The following DGKI variants were observed in gnomAD, a reference collection of about 807,000 sequenced individuals.
DGKI encodes DAG kinase iota.
A neutral mutation model predicts 147.5 loss-of-function variants in DGKI; 55 were observed. The ratio of observed to expected loss-of-function variants is 0.37; its 90% CI spans 0.30 to 0.47. The LOEUF (loss-of-function observed/expected upper bound fraction) is 0.47. DGKI is among the 20% of genes least tolerant of loss of function. The pLI is 1.00. For missense variants in DGKI, 1,007 were observed against 1,323.8 expected (o/e 0.76, Z 3.71); for synonymous variants, 469 against 477.1 (o/e 0.98, Z 0.22).
chr7:137,441,255 C>T (rs991113531), intron 28 of DGKI, among the ~76,000 whole-genome samples: 3 of 151,430 alleles, frequency 2.0e-5, no homozygotes, highest in African/African-American at 7.3e-5. Flanking sequence ...CCCGTCTCTA[C>T]TAAAAAATAC....
intron 2 of DGKI, among the ~76,000 whole-genome samples, chr7:137,686,047 C>T (rs1054965444): frequency 2.0e-5 from 3 of 152,100 alleles, no homozygotes; most frequent in African/African-American, 7.2e-5. Flanking sequence ...GCTGCACTCT[C>T]CACTGTGAAG....
chr7:137,734,964 T>C (rs1032988914), intron 1 of DGKI, among the ~76,000 whole-genome samples: 1 of 152,142 alleles, frequency 6.6e-6, no homozygotes, highest in East Asian at 1.9e-4. Flanking sequence ...TTTGCCCTTC[T>C]ATATAATTGA....
At chr7:137,447,120 C>A (rs1377986648) in intron 27 of DGKI, among the ~76,000 whole-genome samples, 1 of 152,118 alleles carries the variant, frequency 6.6e-6, no homozygotes, top group Non-Finnish European at 1.5e-5. Flanking sequence ...GTACTTTTTA[C>A]ATTTTATTTT....
intron 3 of DGKI, among the ~76,000 whole-genome samples, chr7:137,662,519 A>G (rs1822477869): frequency 8.0e-6 from 1 of 125,358 alleles, no homozygotes; most frequent in African/African-American, 3.1e-5. Context: ...CTGGGATTAC[A>G]GGCGTGAGCC....
At chr7:137,768,671 C>G (rs889423172) in intron 1 of DGKI, among the ~76,000 whole-genome samples, 7 of 152,164 alleles carry the variant, frequency 4.6e-5, no homozygotes, top group Non-Finnish European at 1.5e-5. Flanking sequence ...ATAAGGTGCC[C>G]TGAATCTTTG....
chr7:137,640,640 A>G (rs1361553665), intron 6 of DGKI, among the ~76,000 whole-genome samples: 2 of 152,156 alleles, frequency 1.3e-5, no homozygotes, highest in East Asian at 1.9e-4. Context: ...TGATAAGGGG[A>G]CATTCCTGAA....
chr7:137,738,503 CA>C (rs1367132787), intron 1 of DGKI, among the ~76,000 whole-genome samples: 1 of 151,942 alleles, frequency 6.6e-6, no homozygotes, highest in Non-Finnish European at 1.5e-5. Context: ...TATAAAATGC[CA>C]TATTAATAAA....
Position 137,846,161 on chromosome 7 carries a change from T to TCTCTCTCACACACACACACACA in DGKI, c.401+300_401+301insTGTGTGTGTGTGTGTGAGAGAG, listed in dbSNP as rs781580130. On this transcript the variant is annotated intron_variant, in intron 1 of 32. Coordinates refer to ENST00000614521, the MANE Select transcript of DGKI (RefSeq NM_001321708.2). The surrounding 1 kb of genome is among the most constrained non-coding windows in gnomAD (Gnocchi z 4.0). ...CTCTCTCTCTCTCTCTCTCTCTCTC[T>TCTCTCTCACACACACACACACA]CACACACACACACACACACACACAC... Among the ~76,000 whole-genome samples, 1 of 108,182 alleles carries TCTCTCTCACACACACACACACA rather than the reference T, an allele frequency of 9.2e-6. No homozygotes were observed. The highest frequency in any genetic ancestry group is 1.8e-5 in the Non-Finnish European group (1 of 55,330). 71.0% of individuals were successfully genotyped at this position (108,182 alleles called of 152,430 possible).
chr7:137,650,200 T>C (rs1821975725), intron 5 of DGKI, among the ~76,000 whole-genome samples: 1 of 152,180 alleles, frequency 6.6e-6, no homozygotes, highest in African/African-American at 2.4e-5. Context: ...TTGAGAGAAA[T>C]GAATACCTTT....
chr7:137,792,644 G>A (rs1796890539), intron 1 of DGKI, among the ~76,000 whole-genome samples: 1 of 152,212 alleles, frequency 6.6e-6, no homozygotes, highest in African/African-American at 2.4e-5. Context: ...GTTGGAGATG[G>A]GGCCTGGCAG....
chr7:137,810,360 G>GA (rs1298915893), intron 1 of DGKI, among the ~76,000 whole-genome samples: 1 of 150,460 alleles, frequency 6.6e-6, no homozygotes, highest in Non-Finnish European at 1.5e-5. Context: ...AGGAAATACA[G>GA]AAAAAAAAAT....
intron 1 of DGKI, among the ~76,000 whole-genome samples, chr7:137,795,519 A>G (rs1250325637): frequency 6.6e-6 from 1 of 152,250 alleles, no homozygotes; most frequent in Non-Finnish European, 1.5e-5. Flanking sequence ...GTTTAATATC[A>G]TAGCTGCCTG....
chr7:137,680,853 A>G (rs78755227), intron 2 of DGKI, among the ~76,000 whole-genome samples: 1,639 of 152,338 alleles, frequency 0.011, 32 homozygotes, highest in African/African-American at 0.038. Flanking sequence ...AGTGTCACCC[A>G]TCTTTTAAAA....
Position 137,517,028 on chromosome 7 carries a change from A to G in DGKI, c.2248+4838T>C, listed in dbSNP as rs180703175. On this transcript the variant is annotated intron_variant, in intron 21 of 32. Coordinates refer to ENST00000614521, the MANE Select transcript of DGKI (RefSeq NM_001321708.2). ...CAGGGATGTCATGTGTATATCACAT[A>G]AGTCTTGACATGATGGGGCAAAAAG... Among the ~76,000 whole-genome samples, 4 of 151,896 alleles carry G rather than the reference A, an allele frequency of 2.6e-5. No individual in the cohort carries two copies. The Admixed American group carries it at 2.6e-4, about 10-fold the overall frequency.
At chr7:137,502,597 G>A (rs546342555) in intron 21 of DGKI, among the ~76,000 whole-genome samples, 7 of 152,094 alleles carry the variant, frequency 4.6e-5, no homozygotes, top group East Asian at 3.9e-4. Flanking sequence ...AATAACCTAC[G>A]TTCACATAAA....
intron 20 of DGKI, among the ~76,000 whole-genome samples, chr7:137,549,649 A>G (rs1174022818): frequency 6.6e-6 from 1 of 152,232 alleles, no homozygotes; most frequent in Non-Finnish European, 1.5e-5. Context: ...CAAATGGTGC[A>G]CTTCACACAA....
chr7:137,666,294 T>G lies in DGKI; in HGVS notation c.607-9754A>C, dbSNP rs187829320. 4.3e-4 allele frequency among the ~76,000 whole-genome samples: 66 copies of G among 152,302 alleles called. No homozygotes were observed. In the East Asian group the frequency reaches 0.013, roughly 29 times the overall value. On this transcript the variant is annotated intron_variant, in intron 3 of 32. Transcript: ENST00000614521. Reference sequence around the variant, plus strand: ...ACAGCAAGCCTGTGGTCCCTGATACTCAGGAGGCTGAGGCAGTAGGATCAC... The same window carrying G: ...ACAGCAAGCCTGTGGTCCCTGATACGCAGGAGGCTGAGGCAGTAGGATCAC...
chr7:137,499,588 TCTC>T (rs975380263), intron 21 of DGKI, among the ~76,000 whole-genome samples: 1 of 152,052 alleles, frequency 6.6e-6, no homozygotes, highest in Non-Finnish European at 1.5e-5. Context: ...ACATCCATCT[TCTC>T]CTGCCCTTTG....
At chr7:137,819,004 A>C (rs1585530689) in intron 1 of DGKI, among the ~76,000 whole-genome samples, 1 of 152,206 alleles carries the variant, frequency 6.6e-6, no homozygotes, top group Non-Finnish European at 1.5e-5. Flanking sequence ...CCAACTGCAC[A>C]GAAGTGGAAA....
Sources: gnomAD v4.1 joint callset for allele counts (sites outside exome capture counted in the v4.1 genomes callset) on GRCh38, gnomAD v4.1.1 for gene constraint, Gnocchi (gnomAD v3.1) non-coding constraint, MANE v1.5 for transcripts, NCBI Gene and HGNC (gene_info 2026-07-23, HGNC 2026-07-21) for gene names.